TWSG1: variants seen among roughly 807,000 people sequenced by gnomAD.
The protein encoded by TWSG1 is twisted gastrulation protein homolog 1.
A neutral mutation model predicts 23.0 loss-of-function variants in TWSG1; 15 were observed. The ratio of observed to expected loss-of-function variants is 0.65; its 90% CI spans 0.44 to 1.00. The LOEUF is 1.00. Ranked by LOEUF, TWSG1 falls within the 50% of genes least tolerant of loss-of-function variation. The pLI, the probability that TWSG1 is intolerant of heterozygous loss-of-function variation, is 0.00. For missense variants in TWSG1, 242 were observed against 278.7 expected (o/e 0.87, Z 0.94); for synonymous variants, 86 against 92.8 (o/e 0.93, Z 0.42).
intron 3 of TWSG1, among the ~76,000 whole-genome samples, chr18:9,375,568 A>G (rs1324181461): frequency 6.6e-6 from 1 of 152,252 alleles, no homozygotes; most frequent in East Asian, 1.9e-4. Context: ...TGAAGATGAC[A>G]TGATTGTCTA....
intron 3 of TWSG1, among the ~76,000 whole-genome samples, chr18:9,395,828 A>C (rs1226814855): frequency 2.0e-5 from 3 of 152,158 alleles, no homozygotes; most frequent in Non-Finnish European, 4.4e-5. Context: ...TGGCCTCCCA[A>C]AGTGCTGGGA....
chr18:9,384,411 A>G (rs1443496181), intron 3 of TWSG1, among the ~76,000 whole-genome samples: 1 of 152,222 alleles, frequency 6.6e-6, no homozygotes, highest in Non-Finnish European at 1.5e-5. Flanking sequence ...GTAGATTGAT[A>G]TGCAGGTAAT....
intron 2 of TWSG1, among the ~76,000 whole-genome samples, chr18:9,350,243 G>A (rs963148177): frequency 7.5e-5 from 10 of 132,502 alleles, no homozygotes; most frequent in African/African-American, 2.9e-4. Flanking sequence ...AATGAGTTAG[G>A]CCTGATATAA....
At chr18:9,343,271 A>G (rs2145592637) in intron 2 of TWSG1, among the ~76,000 whole-genome samples, 1 of 144,386 alleles carries the variant, frequency 6.9e-6, no homozygotes, top group East Asian at 2.0e-4. Context: ...TCTTGTCCTA[A>G]CATACATACA....
At chr18:9,374,624 A>G (rs760960261) in intron 3 of TWSG1, among the ~76,000 whole-genome samples, 118 of 152,240 alleles carry the variant, frequency 7.8e-4, no homozygotes, top group Non-Finnish European at 1.4e-3. Context: ...CTAAGACTCT[A>G]CAGTCTCTTT....
intron 2 of TWSG1, among the ~76,000 whole-genome samples, chr18:9,347,877 A>AT (rs965899766): frequency 2.0e-5 from 3 of 151,616 alleles, no homozygotes; most frequent in Non-Finnish European, 1.5e-5. Context: ...ACTTATTGGA[A>AT]TTTTTTTTGC....
chr18:9,364,938 A>G (rs1440357190), intron 3 of TWSG1, among the ~76,000 whole-genome samples: 3 of 152,244 alleles, frequency 2.0e-5, no homozygotes, highest in Non-Finnish European at 4.4e-5. Context: ...ATACATTTAG[A>G]ACAACATGAA....
rs181597839 is a variant in TWSG1, at chr18:9,352,219, A to G, written c.124-7753A>G. Among the ~76,000 whole-genome samples the G allele has an allele frequency of 1.2e-3, 189 of 152,254 alleles. 2 individuals carry two copies. The highest frequency in any genetic ancestry group is 4.3e-3 in the African/African-American group (179 of 41,540). ...TTCTGTCTAGCTTCTTTCATTCAGT[A>G]TAATGCTTTGAGATTCATCCATATT... On this transcript the variant is annotated intron_variant, in intron 2 of 4. Coordinates refer to ENST00000262120, the MANE Select transcript of TWSG1 (RefSeq NM_020648.6).
In TWSG1 at chr18:9,351,269, G is replaced by A. The variant is rs114137430; in HGVS notation, c.124-8703G>A. Among the ~76,000 whole-genome samples the A allele has an allele frequency of 6.7e-3, 1,017 of 152,010 alleles. 13 individuals are homozygous for A. Among genetic ancestry groups the A allele is most frequent in the African/African-American group, 0.024 (976 of 41,508 alleles). ...CCCCAAATTCAGAAAATACAGAGAA[G>A]TAGAAAAAAAGAGTAAAACGTTCTT... On this transcript the variant is annotated intron_variant, in intron 2 of 4. Transcript: ENST00000262120.
At chr18:9,366,681 A>T (rs1412089682) in intron 3 of TWSG1, among the ~76,000 whole-genome samples, 1 of 152,144 alleles carries the variant, frequency 6.6e-6, no homozygotes, top group African/African-American at 2.4e-5. Flanking sequence ...TCGCTCTAAC[A>T]TGTTACTTTT....
chr18:9,362,261 G>T (rs1042459588), intron 3 of TWSG1, among the ~76,000 whole-genome samples: 4 of 152,142 alleles, frequency 2.6e-5, no homozygotes, highest in Non-Finnish European at 1.5e-5. Context: ...AGGCTGGAGT[G>T]GAGTGGTGTG....
chr18:9,372,993 G>C (rs1221080098), intron 3 of TWSG1, among the ~76,000 whole-genome samples: 6 of 151,606 alleles, frequency 4.0e-5, no homozygotes, highest in East Asian at 1.9e-4. Context: ...AGACCCTACT[G>C]TATGTTACCT....
intron 2 of TWSG1, among the ~76,000 whole-genome samples, chr18:9,339,393 A>T (rs575133417): frequency 4.6e-5 from 7 of 152,210 alleles, no homozygotes; most frequent in East Asian, 3.9e-4. Flanking sequence ...CGATCCTCCC[A>T]TCTCAGCCTC....
intron 3 of TWSG1, among the ~76,000 whole-genome samples, chr18:9,375,402 G>A (rs1451101302): frequency 1.3e-5 from 2 of 152,076 alleles, no homozygotes; most frequent in Admixed American, 6.5e-5. Context: ...GTAAGAAACT[G>A]GAAGCTTTCC....
chr18:9,373,571 CA>C (rs2145618912), intron 3 of TWSG1, among the ~76,000 whole-genome samples: 1 of 152,180 alleles, frequency 6.6e-6, no homozygotes, highest in Non-Finnish European at 1.5e-5. Flanking sequence ...CTCTGTGAGG[CA>C]AAAACTAACA....
At position 9,401,762 on chromosome 18, in the gene TWSG1, C is replaced by G. The variant is rs191487163; in HGVS notation, c.*2235C>G. ...AGTAAATATTCCAGAAGTTGATAGC[C>G]TGGTTAAAAGTTAGATCCTCTATTA... is the stretch of plus-strand genomic sequence containing the variant. On this transcript the variant is annotated 3_prime_UTR_variant, in exon 5 of 5. Coordinates refer to ENST00000262120, the MANE Select transcript of TWSG1 (RefSeq NM_020648.6). The G allele has an allele frequency of 6.6e-6, 1 of 152,198 alleles. No individual in the cohort carries two copies. Among genetic ancestry groups the G allele is most frequent in the Non-Finnish European group, 1.5e-5 (1 of 67,984 alleles). 9.4% of individuals were successfully genotyped at this position (152,198 alleles called of 1,614,324 possible). A position where few individuals can be genotyped will look rare whatever the true frequency, so the allele number is the denominator to read the frequency against.
intron 2 of TWSG1, among the ~76,000 whole-genome samples, chr18:9,353,965 T>C (rs2040513479): frequency 6.6e-6 from 1 of 152,248 alleles, no homozygotes; most frequent in Non-Finnish European, 1.5e-5. Flanking sequence ...GCATTTCTAG[T>C]TGTATTCAGG....
At chr18:9,357,844 G>A (rs969920079) in intron 2 of TWSG1, among the ~76,000 whole-genome samples, 2 of 152,022 alleles carry the variant, frequency 1.3e-5, no homozygotes, top group Non-Finnish European at 2.9e-5. Context: ...CAGGGAAGGG[G>A]GGGGATGGGG....
intron 3 of TWSG1, among the ~76,000 whole-genome samples, chr18:9,392,745 T>A (rs1188106892): frequency 6.6e-6 from 1 of 152,224 alleles, no homozygotes; most frequent in Non-Finnish European, 1.5e-5. Flanking sequence ...GTTATTTGTT[T>A]GTTTACTGTG....
Sources: gnomAD v4.1 joint callset for allele counts (sites outside exome capture counted in the v4.1 genomes callset) on GRCh38, gnomAD v4.1.1 for gene constraint, MANE v1.5 for transcripts, NCBI Gene and HGNC (gene_info 2026-07-23, HGNC 2026-07-21) for gene names.